The following NRXN1 variants were observed in gnomAD, a reference collection of about 807,000 sequenced individuals.
NRXN1 encodes neurexin 1.
A neutral mutation model predicts 150.9 loss-of-function variants in NRXN1; 39 were observed. That is an observed-to-expected ratio of 0.26 (90% confidence interval 0.20 to 0.34). The LOEUF is 0.34. Among genes scored for constraint, NRXN1 ranks in the 10% least tolerant of loss-of-function variants. The pLI, the probability that NRXN1 is intolerant of heterozygous loss-of-function variation, is 1.00. For missense variants in NRXN1, 1,815 were observed against 1,949.9 expected, an observed-to-expected ratio of 0.93 and a Z score of 1.30; for synonymous variants, 924 against 757.0, an observed-to-expected ratio of 1.22 and a Z score of -3.62.
In NRXN1 at chr2:50,669,831, G is replaced by A. The variant is rs573191875; in HGVS notation, c.833-46216C>T. Among the ~76,000 whole-genome samples the A allele has an allele frequency of 4.4e-3, 662 of 149,150 alleles. 5 individuals carry two copies. Among genetic ancestry groups the A allele is most frequent in the African/African-American group, 0.015 (615 of 40,816 alleles). ...ATAAATAAATAAATAAATAAAAATA[G>A]AAATAAAAATAAAAATAAAAAAAGA... On this transcript the variant is annotated intron_variant, in intron 5 of 22. Transcript: ENST00000401669.
intron 5 of NRXN1, among the ~76,000 whole-genome samples, chr2:50,851,689 A>G (rs749088554): frequency 2.0e-5 from 3 of 152,172 alleles, no homozygotes; most frequent in Non-Finnish European, 4.4e-5. Context: ...GTGAGACAAA[A>G]TCTAAATGCA....
chr2:50,430,001 C>A (rs2084827825), intron 17 of NRXN1, among the ~76,000 whole-genome samples: 1 of 152,114 alleles, frequency 6.6e-6, no homozygotes, highest in African/African-American at 2.4e-5. Flanking sequence ...TCACATAAAA[C>A]AGAATACACT....
At chr2:50,296,402 A>G (rs1307017015) in intron 17 of NRXN1, among the ~76,000 whole-genome samples, 1 of 152,138 alleles carries the variant, frequency 6.6e-6, no homozygotes, top group African/African-American at 2.4e-5. Flanking sequence ...ACGAGTGCAG[A>G]TTTGTTAAAT....
chr2:49,942,182 A>G (rs960042072), intron 22 of NRXN1, among the ~76,000 whole-genome samples: 9 of 152,072 alleles, frequency 5.9e-5, no homozygotes, highest in Non-Finnish European at 4.4e-5. Flanking sequence ...ATCATTGTGA[A>G]TGATAGATGT....
rs575034463 is a variant in NRXN1, at chr2:50,862,185, A to C, written c.832+59684T>G. ...CCACTGCACTCTAGCCTAGAGGACA[A>C]GAGCGAGATTCCATCTCAAAAAAAA... On this transcript the variant is annotated intron_variant, in intron 5 of 22. Coordinates refer to ENST00000401669, the MANE Select transcript of NRXN1 (RefSeq NM_001330078.2). Among the ~76,000 whole-genome samples, 39 of 150,872 alleles carry C rather than the reference A, an allele frequency of 2.6e-4. No individual in the cohort carries two copies. In the South Asian group the frequency reaches 4.5e-3, roughly 17 times the overall value.
chr2:50,084,226 G>A (rs1441226452), intron 19 of NRXN1, among the ~76,000 whole-genome samples: 4 of 152,210 alleles, frequency 2.6e-5, no homozygotes, highest in Non-Finnish European at 5.9e-5. Flanking sequence ...CCAGTCCGGC[G>A]CCATGCCCTT....
chr2:50,506,937 G>C, intron 12 of NRXN1: 2 of 242,976 alleles, frequency 8.2e-6, no homozygotes, highest in Non-Finnish European at 8.1e-6. Flanking sequence ...AATAGGCACA[G>C]TCAATACAGC....
chr2:50,914,817 T>C (rs1025170047), intron 5 of NRXN1, among the ~76,000 whole-genome samples: 2 of 151,528 alleles, frequency 1.3e-5, no homozygotes, highest in East Asian at 3.9e-4. Context: ...CAAAGGAAAC[T>C]TGACAAACTT....
At chr2:50,268,730 T>A (rs991725203) in intron 17 of NRXN1, among the ~76,000 whole-genome samples, 6 of 152,208 alleles carry the variant, frequency 3.9e-5, no homozygotes, top group African/African-American at 1.4e-4. Context: ...TTGATTCGTG[T>A]TATCTTTGTC....
intron 19 of NRXN1, among the ~76,000 whole-genome samples, chr2:50,062,048 AATACTTCAAAC>A (rs1694624993): frequency 6.6e-6 from 1 of 152,170 alleles, no homozygotes; most frequent in African/African-American, 2.4e-5. Flanking sequence ...AAATATCATT[AATACTTCAAAC>A]AAGTTTCCTG....
intron 17 of NRXN1, among the ~76,000 whole-genome samples, chr2:50,411,420 G>A (rs112400851): frequency 0.035 from 5,317 of 152,080 alleles, 300 homozygotes; most frequent in African/African-American, 0.12. Flanking sequence ...CCAAAGTGCC[G>A]AGATTGCAGC....
intron 5 of NRXN1, among the ~76,000 whole-genome samples, chr2:50,702,255 T>C (rs1035957133): frequency 1.3e-5 from 2 of 152,032 alleles, no homozygotes; most frequent in African/African-American, 4.8e-5. Flanking sequence ...TTGAACTCCT[T>C]TTCCAGATAA....
chr2:50,360,853 A>T (rs1333523177), intron 17 of NRXN1, among the ~76,000 whole-genome samples: 1 of 152,192 alleles, frequency 6.6e-6, no homozygotes, highest in Non-Finnish European at 1.5e-5. Context: ...AATTTACCAC[A>T]TAATTGGAAG....
intron 5 of NRXN1, among the ~76,000 whole-genome samples, chr2:50,644,587 A>C (rs1469032871): frequency 6.6e-6 from 1 of 151,528 alleles, no homozygotes; most frequent in Non-Finnish European, 1.5e-5. Flanking sequence ...ATTCTCTATT[A>C]CCAGTTCACT....
At chr2:50,888,487 G>C (rs1447440463) in intron 5 of NRXN1, among the ~76,000 whole-genome samples, 1 of 151,494 alleles carries the variant, frequency 6.6e-6, no homozygotes, top group Non-Finnish European at 1.5e-5. Context: ...GTAACCTGGA[G>C]AGTTAAAACA....
intron 10 of NRXN1, among the ~76,000 whole-genome samples, chr2:50,536,123 G>C (rs11678574): frequency 2.6e-5 from 4 of 151,980 alleles, no homozygotes; most frequent in Admixed American, 2.0e-4. Context: ...TAATAGCCAC[G>C]AACTGGGCAG....
intron 15 of NRXN1, among the ~76,000 whole-genome samples, chr2:50,492,522 G>T (rs1371308822): frequency 6.6e-6 from 1 of 152,140 alleles, no homozygotes; most frequent in Admixed American, 6.5e-5. Flanking sequence ...ACGGACAAAA[G>T]AATGCATCAC....
intron 5 of NRXN1, among the ~76,000 whole-genome samples, chr2:50,848,458 C>G (rs1292526521): frequency 5.3e-5 from 8 of 152,030 alleles, no homozygotes; most frequent in Admixed American, 4.6e-4. Context: ...GGAGCTGCCC[C>G]CTACAGCTCT....
At chr2:50,411,696 G>T (rs935580994) in intron 17 of NRXN1, among the ~76,000 whole-genome samples, 6 of 40,822 alleles carry the variant, frequency 1.5e-4, no homozygotes, top group East Asian at 4.4e-3. Context: ...CTGGGAGGTG[G>T]GGGGGCAGCC....
Sources: gnomAD v4.1 joint callset for allele counts (sites outside exome capture counted in the v4.1 genomes callset) on GRCh38, gnomAD v4.1.1 for gene constraint, MANE v1.5 for transcripts, NCBI Gene and HGNC (gene_info 2026-07-23, HGNC 2026-07-21) for gene names.